The following CLYBL variants were observed in gnomAD, a reference collection of about 807,000 sequenced individuals.
CLYBL encodes the protein citramalyl-CoA lyase, mitochondrial.
CLYBL carries 31 observed loss-of-function variants against 38.9 expected under a neutral mutation model. The observed-to-expected ratio is 0.80, with a 90% CI of 0.60 to 1.08. The LOEUF (loss-of-function observed/expected upper bound fraction) is 1.08, where lower values mean the gene tolerates loss of function less well. Ranked by LOEUF, CLYBL falls within the 50% of genes least tolerant of loss-of-function variation. The pLI, the probability that CLYBL is intolerant of heterozygous loss-of-function variation, is 0.00. For synonymous variants in CLYBL, 171 were observed against 158.6 expected, an observed-to-expected ratio of 1.08 and a Z score of -0.59; for missense variants, 434 against 411.6, an observed-to-expected ratio of 1.05 and a Z score of -0.47.
At chr13:99,759,240 T>C (rs1430607733) in intron 1 of CLYBL, among the ~76,000 whole-genome samples, 2 of 152,168 alleles carry the variant, frequency 1.3e-5, no homozygotes, top group African/African-American at 4.8e-5. Context: ...AATAAGAAGC[T>C]TTCATAGTCA....
chr13:99,679,928 T>G (rs1266806277), intron 1 of CLYBL, among the ~76,000 whole-genome samples: 1 of 152,210 alleles, frequency 6.6e-6, no homozygotes, highest in Non-Finnish European at 1.5e-5. Flanking sequence ...TGTATGTTAC[T>G]GTCTAATGCA....
rs1566340113 is a variant in CLYBL, at chr13:99,819,440, AT to A, written c.250-39420del. On this transcript the variant is annotated intron_variant, in intron 2 of 8. Transcript: ENST00000339105. ...TTTATATATATATATATATATATAT[AT>A]ATATATATATATATATATATATATA... Among the ~76,000 whole-genome samples, 246 of 107,118 alleles carry A rather than the reference AT, an allele frequency of 2.3e-3. 13 individuals carry two copies. The highest frequency in any genetic ancestry group is 4.9e-3 in the South Asian group (15 of 3,064). 70.3% of individuals were successfully genotyped at this position (107,118 alleles called of 152,430 possible). A position where few individuals can be genotyped will look rare whatever the true frequency, so the allele number is the denominator to read the frequency against.
At chr13:99,782,780 C>T (rs2049686737) in intron 2 of CLYBL, among the ~76,000 whole-genome samples, 1 of 151,996 alleles carries the variant, frequency 6.6e-6, no homozygotes, top group African/African-American at 2.4e-5. Context: ...TGTCTTTTAT[C>T]CATTTTGTAA....
chr13:99,719,232 C>T (rs1268053202), intron 1 of CLYBL, among the ~76,000 whole-genome samples: 1 of 151,108 alleles, frequency 6.6e-6, no homozygotes, highest in African/African-American at 2.4e-5. Flanking sequence ...GCAACCTTCA[C>T]CTCCTGGGCT....
rs1490537093 is a variant in CLYBL at position 99,840,773 on chromosome 13, AAAAAAAAGG to A, written c.250-18087_250-18079del. Among the ~76,000 whole-genome samples the A allele has an allele frequency of 1.5e-3, 228 of 147,166 alleles. 3 individuals are homozygous for A. The highest frequency in any genetic ancestry group is 5.7e-3 in the African/African-American group (216 of 38,224). ...CTCAAAAAAAAAAAAAAAAAAAAAAAAAAAAAAGGGTTACATATGCATATGAAAAAAGGC... is the reference window on the plus strand; with the variant it reads ...CTCAAAAAAAAAAAAAAAAAAAAAAAGTTACATATGCATATGAAAAAAGGC... On this transcript the variant is annotated intron_variant, in intron 2 of 8. Coordinates refer to ENST00000339105, the MANE Select transcript of CLYBL (RefSeq NM_206808.5).
At chr13:99,714,598 C>T (rs1371741077) in intron 1 of CLYBL, among the ~76,000 whole-genome samples, 1 of 151,740 alleles carries the variant, frequency 6.6e-6, no homozygotes. Flanking sequence ...TCCTGGGTGA[C>T]AGAGTGAGAC....
intron 1 of CLYBL, among the ~76,000 whole-genome samples, chr13:99,648,818 AT>A (rs1317409191): frequency 6.6e-5 from 10 of 151,902 alleles, no homozygotes; most frequent in Non-Finnish European, 1.3e-4. Context: ...TCAAGGTATC[AT>A]TTTTTTCTAG....
intron 1 of CLYBL, among the ~76,000 whole-genome samples, chr13:99,642,082 T>G (rs2139271081): frequency 6.6e-6 from 1 of 152,266 alleles, no homozygotes; most frequent in African/African-American, 2.4e-5. Context: ...CTTGTGAGGG[T>G]ACCAGGCTCT....
downstream of CLYBL, among the ~76,000 whole-genome samples, chr13:99,898,215 T>C (rs2052604852): frequency 6.6e-6 from 1 of 152,180 alleles, no homozygotes; most frequent in Non-Finnish European, 1.5e-5. Context: ...CTGTTTTGTT[T>C]TTAAACACAG....
Position 99,646,065 on chromosome 13 carries a change from G to C in CLYBL, c.62+39308G>C, listed in dbSNP as rs569628419. On this transcript the variant is annotated intron_variant, in intron 1 of 8. Transcript: ENST00000339105. Reference sequence around the variant, plus strand: ...ATAGTGGCACCCTGGGACACTGTGGGGTTCAGTGGGCTTTTGTGAGCTATC... The same window carrying C: ...ATAGTGGCACCCTGGGACACTGTGGCGTTCAGTGGGCTTTTGTGAGCTATC... 1.1e-4 allele frequency among the ~76,000 whole-genome samples: 16 copies of C among 152,202 alleles called. No homozygotes were observed. In the East Asian group the frequency reaches 2.9e-3, roughly 28 times the overall value.
At chr13:99,748,937 G>A (rs903615148) in intron 1 of CLYBL, among the ~76,000 whole-genome samples, 2 of 152,118 alleles carry the variant, frequency 1.3e-5, no homozygotes, top group African/African-American at 4.8e-5. Context: ...CCAACACTTT[G>A]GGAGGCCAAG....
At chr13:99,656,190 A>T (rs2047327907) in intron 1 of CLYBL, among the ~76,000 whole-genome samples, 1 of 151,934 alleles carries the variant, frequency 6.6e-6, no homozygotes, top group Middle Eastern at 3.2e-3. Flanking sequence ...AAGGGTTGGG[A>T]GTGATAGAAT....
chr13:99,730,763 C>T (rs533793851), intron 1 of CLYBL, among the ~76,000 whole-genome samples: 4 of 152,222 alleles, frequency 2.6e-5, no homozygotes, highest in East Asian at 1.9e-4. Flanking sequence ...ACACACGGAA[C>T]GGCCTCCCCA....
chr13:99,874,552 TAAAG>T (rs1361621345), intron 7 of CLYBL, among the ~76,000 whole-genome samples: 2 of 152,120 alleles, frequency 1.3e-5, no homozygotes, highest in African/African-American at 2.4e-5. Context: ...TTTTTATCAA[TAAAG>T]AATTTTATAT....
intron 2 of CLYBL, among the ~76,000 whole-genome samples, chr13:99,828,195 CTA>C (rs1454662605): frequency 2.0e-5 from 3 of 152,152 alleles, no homozygotes; most frequent in Non-Finnish European, 4.4e-5. Context: ...GGCAAAAACT[CTA>C]TAGAGGGGAA....
At chr13:99,768,565 G>A (rs1434883694) in intron 1 of CLYBL, among the ~76,000 whole-genome samples, 1 of 137,624 alleles carries the variant, frequency 7.3e-6, no homozygotes, top group Non-Finnish European at 1.5e-5. Context: ...AGGCTGGAGT[G>A]CAGTGGTGCA....
intron 1 of CLYBL, among the ~76,000 whole-genome samples, chr13:99,688,306 T>C (rs960915465): frequency 1.3e-5 from 2 of 152,196 alleles, no homozygotes; most frequent in African/African-American, 4.8e-5. Flanking sequence ...TTAGCTCTTA[T>C]GCTAAAACAG....
chr13:99,661,366 G>A (rs934181793), intron 1 of CLYBL, among the ~76,000 whole-genome samples: 1 of 152,106 alleles, frequency 6.6e-6, no homozygotes, highest in Non-Finnish European at 1.5e-5. Context: ...CAATCAAACA[G>A]CTTCTTTTTT....
chr13:99,741,549 T>G (rs1292056079), intron 1 of CLYBL, among the ~76,000 whole-genome samples: 1 of 151,852 alleles, frequency 6.6e-6, no homozygotes, highest in Admixed American at 6.6e-5. Context: ...ATGTATCTTT[T>G]TTTTGGGGGG....
Sources: allele counts gnomAD v4.1 joint callset (sites outside exome capture counted in the v4.1 genomes callset), GRCh38; gene constraint gnomAD v4.1.1; transcripts MANE v1.5; gene names NCBI Gene and HGNC (gene_info 2026-07-23, HGNC 2026-07-21).